Variants in PLCXD3 observed in about 807,000 individuals in gnomAD.
PLCXD3 encodes PI-PLC X domain-containing protein 3.
In PLCXD3, 19 loss-of-function variants were observed where a neutral mutation model predicts 25.5. That is an observed-to-expected ratio of 0.75 (90% confidence interval 0.52 to 1.09). The LOEUF (loss-of-function observed/expected upper bound fraction) is 1.09, where lower values mean the gene tolerates loss of function less well. Among genes scored for constraint, PLCXD3 ranks in the 50% least tolerant of loss-of-function variants. The pLI is 0.00. For synonymous variants in PLCXD3, 174 were observed against 137.6 expected (o/e 1.26, Z -1.85); for missense variants, 411 against 388.1 (o/e 1.06, Z -0.50).
chr5:41,509,204 G>T lies in PLCXD3; in HGVS notation c.103+1220C>A, dbSNP rs1301346113. On this transcript the variant is annotated intron_variant, in intron 1 of 2. Coordinates refer to ENST00000377801, the MANE Select transcript of PLCXD3 (RefSeq NM_001005473.3). ...TTTATTATGTTTTCCTCCAACAGCT[G>T]AGAGGGGGCGCTGGATGGGGCAGAT... Among the ~76,000 whole-genome samples the T allele has an allele frequency of 2.0e-5, 3 of 152,116 alleles. No homozygotes were observed. In the East Asian group the frequency reaches 5.8e-4, roughly 29 times the overall value.
chr5:41,414,345 G>A (rs1039267425), intron 1 of PLCXD3, among the ~76,000 whole-genome samples: 1 of 152,052 alleles, frequency 6.6e-6, no homozygotes, highest in East Asian at 1.9e-4. Context: ...TGGGATTATA[G>A]GTATGCACCA....
At chr5:41,426,638 T>G (rs1207029853) in intron 1 of PLCXD3, among the ~76,000 whole-genome samples, 1 of 152,130 alleles carries the variant, frequency 6.6e-6, no homozygotes, top group Non-Finnish European at 1.5e-5. Flanking sequence ...GTTATTACTG[T>G]CTAGAATTTT....
intron 2 of PLCXD3, among the ~76,000 whole-genome samples, chr5:41,355,803 T>C (rs1424736837): frequency 1.3e-5 from 2 of 152,160 alleles, no homozygotes; most frequent in Non-Finnish European, 2.9e-5. Flanking sequence ...CTGGTCAGGC[T>C]AAAGTTTGGG....
intron 1 of PLCXD3, among the ~76,000 whole-genome samples, chr5:41,454,244 T>C (rs1040779922): frequency 6.6e-6 from 1 of 152,060 alleles, no homozygotes; most frequent in Non-Finnish European, 1.5e-5. Flanking sequence ...ATCCAATGAC[T>C]GGTGTCCTGT....
chr5:41,410,545 C>T (rs1334502363), intron 1 of PLCXD3, among the ~76,000 whole-genome samples: 1 of 152,144 alleles, frequency 6.6e-6, no homozygotes, highest in Non-Finnish European at 1.5e-5. Flanking sequence ...GCTCCTTACA[C>T]ATGTGCCGTT....
intron 1 of PLCXD3, among the ~76,000 whole-genome samples, chr5:41,406,259 T>A (rs1746347357): frequency 6.6e-6 from 1 of 152,102 alleles, no homozygotes; most frequent in African/African-American, 2.4e-5. Context: ...TCATACTTTT[T>A]CCTTGGGTGA....
chr5:41,397,225 G>C (rs1228287898), intron 1 of PLCXD3, among the ~76,000 whole-genome samples: 2 of 152,268 alleles, frequency 1.3e-5, no homozygotes, highest in East Asian at 3.9e-4. Context: ...GGGAAGCATG[G>C]TTTCCTGGGC....
chr5:41,510,315 T>C lies in PLCXD3; in HGVS notation c.103+109A>G. ...CCTGAGACCCACCCTGGAAGACGAGTTTCCCTCCCGCGGGCATCGTGGCAA... is the reference window on the plus strand; with the variant it reads ...CCTGAGACCCACCCTGGAAGACGAGCTTCCCTCCCGCGGGCATCGTGGCAA... On this transcript the variant is annotated intron_variant, in intron 1 of 2. Transcript: ENST00000377801. The C allele has an allele frequency of 3.0e-6, 3 of 983,748 alleles. No individual in the cohort carries two copies. The South Asian group carries it at 4.7e-5, about 15-fold the overall frequency. The allele number at this position is 983,748 out of a possible 1,614,324, so 60.9% of individuals were successfully genotyped here. A position where few individuals can be genotyped will look rare whatever the true frequency, so the allele number is the denominator to read the frequency against.
chr5:41,332,908 C>T (rs1743869741), intron 2 of PLCXD3, among the ~76,000 whole-genome samples: 2 of 151,910 alleles, frequency 1.3e-5, no homozygotes, highest in South Asian at 4.2e-4. Context: ...AACACATGGA[C>T]ACAGGAAGGG....
At chr5:41,479,059 A>G (rs1222147297) in intron 1 of PLCXD3, among the ~76,000 whole-genome samples, 1 of 152,180 alleles carries the variant, frequency 6.6e-6, no homozygotes, top group Non-Finnish European at 1.5e-5. Context: ...TTGGGTGAGG[A>G]CACAGAGCCA....
At chr5:41,487,336 C>G (rs1748541608) in intron 1 of PLCXD3, among the ~76,000 whole-genome samples, 1 of 152,130 alleles carries the variant, frequency 6.6e-6, no homozygotes, top group South Asian at 2.1e-4. Flanking sequence ...AAAAAAGGAG[C>G]TCACTTGACT....
intron 2 of PLCXD3, among the ~76,000 whole-genome samples, chr5:41,336,982 G>A (rs757449147): frequency 5.9e-5 from 9 of 152,130 alleles, no homozygotes; most frequent in Non-Finnish European, 1.2e-4. Context: ...GAAATTCTGC[G>A]ATCATAAAAT....
chr5:41,317,412 G>A (rs1743333548), intron 2 of PLCXD3, among the ~76,000 whole-genome samples: 1 of 152,130 alleles, frequency 6.6e-6, no homozygotes, highest in Admixed American at 6.5e-5. Context: ...AGCTCAGACA[G>A]CAAAGACTAG....
intron 1 of PLCXD3, among the ~76,000 whole-genome samples, chr5:41,432,545 T>C (rs1013056099): frequency 2.0e-5 from 3 of 152,198 alleles, no homozygotes; most frequent in African/African-American, 7.2e-5. Context: ...TCTTTTAATG[T>C]CTTCCCTAAA....
intron 2 of PLCXD3, among the ~76,000 whole-genome samples, chr5:41,365,646 C>T (rs960131802): frequency 1.3e-5 from 2 of 152,142 alleles, no homozygotes; most frequent in Non-Finnish European, 2.9e-5. Context: ...CTGAAGAGTG[C>T]TGGGACACTG....
Position 41,310,268 on chromosome 5 carries a change from T to A in PLCXD3, c.*3349A>T, listed in dbSNP as rs1240968667. On this transcript the variant is annotated 3_prime_UTR_variant, in exon 3 of 3. Transcript: ENST00000377801. Reference sequence around the variant, plus strand: ...GAAGAAAAATTTGCTATATTAGTCCTTGAAAATTACAGACAGGAAATCAAA... The same window carrying A: ...GAAGAAAAATTTGCTATATTAGTCCATGAAAATTACAGACAGGAAATCAAA... 6.6e-6 allele frequency: 1 copy of A among 152,128 alleles called. No homozygotes were observed. Among genetic ancestry groups the A allele is most frequent in the Non-Finnish European group, 1.5e-5 (1 of 67,994 alleles). 9.4% of individuals were successfully genotyped at this position (152,128 alleles called of 1,614,324 possible).
intron 2 of PLCXD3, among the ~76,000 whole-genome samples, chr5:41,347,358 A>T (rs1744330609): frequency 6.6e-6 from 1 of 152,234 alleles, no homozygotes; most frequent in Non-Finnish European, 1.5e-5. Context: ...CTTGTCACTT[A>T]GTAGATTTGG....
At chr5:41,360,873 G>A (rs952322299) in intron 2 of PLCXD3, among the ~76,000 whole-genome samples, 1 of 152,168 alleles carries the variant, frequency 6.6e-6, no homozygotes, top group Admixed American at 6.5e-5. Context: ...GAGCACATCA[G>A]CTGTGGTAAT....
intron 1 of PLCXD3, among the ~76,000 whole-genome samples, chr5:41,454,062 C>T (rs1028169076): frequency 1.3e-5 from 2 of 151,932 alleles, no homozygotes; most frequent in African/African-American, 2.4e-5. Flanking sequence ...CTCAAAACAC[C>T]AGAACTCCTT....
Sources: allele counts gnomAD v4.1 joint callset (sites outside exome capture counted in the v4.1 genomes callset), GRCh38; gene constraint gnomAD v4.1.1; transcripts MANE v1.5; gene names NCBI Gene and HGNC (gene_info 2026-07-23, HGNC 2026-07-21).